C3orf20: variants seen among roughly 807,000 people sequenced by gnomAD.
C3orf20 encodes uncharacterized protein C3orf20.
Under a neutral mutation model 88.3 loss-of-function variants are expected in C3orf20, and 76 were observed. The observed-to-expected ratio is 0.86, with a 90% CI of 0.72 to 1.04. The LOEUF is 1.04. Among genes scored for constraint, C3orf20 ranks in the 50% least tolerant of loss-of-function variants. The pLI is 0.00. For synonymous variants in C3orf20, 436 were observed against 437.4 expected, an observed-to-expected ratio of 1.00 and a Z score of 0.04; for missense variants, 1,056 against 1,123.3, an observed-to-expected ratio of 0.94 and a Z score of 0.86.
intron 7 of C3orf20, among the ~76,000 whole-genome samples, chr3:14,711,829 TTTTTCTATTTG>T (rs2033752397): frequency 6.6e-6 from 1 of 152,048 alleles, no homozygotes; most frequent in Non-Finnish European, 1.5e-5. Context: ...AATTCTTTAG[TTTTTCTATTTG>T]TTTTCTATAT....
At chr3:14,747,264 T>C (rs7640633) in intron 12 of C3orf20, among the ~76,000 whole-genome samples, 2,980 of 152,304 alleles carry the variant, frequency 0.02, 101 homozygotes, top group African/African-American at 0.067. Context: ...CATTATGATA[T>C]GAAATCTTGT....
intron 1 of C3orf20, 118 bp from the exon 2 acceptor site, chr3:14,682,052 T>A (rs925455390): frequency 6.6e-6 from 1 of 152,242 alleles, no homozygotes; most frequent in Non-Finnish European, 1.5e-5. Context: ...CATTTTTTTC[T>A]TATAAGATGG....
At chr3:14,722,021 C>T in intron 10 of C3orf20, 2 of 484,730 alleles carry the variant, frequency 4.1e-6, no homozygotes, top group Non-Finnish European at 7.3e-6. Flanking sequence ...CTAGCTTAAG[C>T]ATGAAAAAAG....
intron 12 of C3orf20, among the ~76,000 whole-genome samples, chr3:14,737,239 TC>T (rs766812121): frequency 3.9e-5 from 6 of 152,246 alleles, no homozygotes; most frequent in Admixed American, 2.0e-4. Flanking sequence ...TTTCTCTTTT[TC>T]CCCCTCCCTT....
intron 12 of C3orf20, among the ~76,000 whole-genome samples, chr3:14,755,284 G>T (rs2568851): frequency 0.68 from 103,536 of 151,846 alleles, 35,750 homozygotes; most frequent in African/African-American, 0.81. Flanking sequence ...TTTGGAGGCT[G>T]TTTTCTTTCA....
chr3:14,726,417 A>G (rs935957791), intron 10 of C3orf20, among the ~76,000 whole-genome samples: 1 of 152,208 alleles, frequency 6.6e-6, no homozygotes, highest in Non-Finnish European at 1.5e-5. Context: ...CGCAGCATCC[A>G]CTGCAGAGGG....
At chr3:14,748,028 G>T (rs182450718) in intron 12 of C3orf20, among the ~76,000 whole-genome samples, 1 of 152,028 alleles carries the variant, frequency 6.6e-6, no homozygotes, top group Admixed American at 6.5e-5. Context: ...CTGTTTTTAG[G>T]TGAGTTTGAG....
chr3:14,703,187 C>T lies in C3orf20; in HGVS notation c.803C>T (p.Thr268Ile). 1 of 1,614,194 alleles carries T rather than the reference C, an allele frequency of 6.2e-7. No individual in the cohort carries two copies. The highest frequency in any genetic ancestry group is 8.5e-7 in the Non-Finnish European group (1 of 1,180,038). The change falls in exon 6 of 17, where the codon ACC becomes ATC. Residue 268 changes from threonine to isoleucine, a missense_variant. Physicochemically the swap from Thr to Ile is moderately conservative, Grantham distance 89. Transcript: ENST00000253697. ...CCGCCCCTGCATCGAGGAGTGGGAA[C>T]CCCTGCCAACAGCCTGGAGTTCAGC... Reference protein sequence around the residue: ...SMPPLHRGVGTPANSLEFSDP... With the variant: ...SMPPLHRGVGIPANSLEFSDP...
At position 14,773,004 on chromosome 3, in the gene C3orf20, C is replaced by T; in HGVS notation, c.*129C>T. On this transcript the variant is annotated 3_prime_UTR_variant, in exon 17 of 17. Coordinates refer to ENST00000253697, the MANE Select transcript of C3orf20 (RefSeq NM_032137.5). ...CTTCTATAATAAACCAGCGGGCCTC[C>T]AGCATTGGGGTGAGGCTCTGGGGAA... 2.8e-6 allele frequency: 2 copies of T among 706,130 alleles called. No individual in the cohort carries two copies. Among genetic ancestry groups the T allele is most frequent in the Non-Finnish European group, 5.0e-6 (2 of 397,016 alleles). The allele number at this position is 706,130 out of a possible 1,614,324, so 43.7% of individuals were successfully genotyped here. A position where few individuals can be genotyped will look rare whatever the true frequency, so the allele number is the denominator to read the frequency against.
rs2124930723 is a variant in C3orf20, at chr3:14,701,522, A to G, written c.746-1608A>G. On this transcript the variant is annotated intron_variant, in intron 5 of 16. Transcript: ENST00000253697. This position sits in a 1 kb window ranked among gnomAD's most constrained non-coding sequence, Gnocchi z 4.6. Reference sequence around the variant, plus strand: ...CGACTCCACATGACCACATCCTCATACCACCTGACACCTATCATGGAGGAC... The same window carrying G: ...CGACTCCACATGACCACATCCTCATGCCACCTGACACCTATCATGGAGGAC... Among the ~76,000 whole-genome samples, 1 of 152,228 alleles carries G rather than the reference A, an allele frequency of 6.6e-6. No homozygotes were observed. Among genetic ancestry groups the G allele is most frequent in the South Asian group, 2.1e-4 (1 of 4,820 alleles).
intron 9 of C3orf20, among the ~76,000 whole-genome samples, chr3:14,718,291 A>G (rs1398588862): frequency 6.6e-6 from 1 of 151,660 alleles, no homozygotes; most frequent in Non-Finnish European, 1.5e-5. Context: ...CTTCAAGTTC[A>G]GTGACTTTAT....
At chr3:14,767,741 G>A (rs2035754273) in intron 15 of C3orf20, among the ~76,000 whole-genome samples, 1 of 152,262 alleles carries the variant, frequency 6.6e-6, no homozygotes. Context: ...GGCTTTGGAA[G>A]CAGCAATGTG....
At chr3:14,756,299 C>T (rs921106225) in intron 12 of C3orf20, among the ~76,000 whole-genome samples, 1 of 151,688 alleles carries the variant, frequency 6.6e-6, no homozygotes, top group African/African-American at 2.4e-5. Context: ...CACAACAACC[C>T]GGTACAGTGT....
intron 5 of C3orf20, among the ~76,000 whole-genome samples, chr3:14,694,055 T>G (rs2032858263): frequency 6.6e-6 from 1 of 152,232 alleles, no homozygotes; most frequent in Non-Finnish European, 1.5e-5. Context: ...TTGGTCATGA[T>G]GAATGATCTT....
At chr3:14,734,454 C>T (rs1380837374) in intron 12 of C3orf20, among the ~76,000 whole-genome samples, 2 of 151,980 alleles carry the variant, frequency 1.3e-5, no homozygotes, top group African/African-American at 4.8e-5. Context: ...TTTCTTGTCC[C>T]GTTGGATATT....
intron 7 of C3orf20, 104 bp downstream of exon 7, chr3:14,704,722 G>A: frequency 7.2e-7 from 1 of 1,398,018 alleles, no homozygotes. Context: ...TTAGTTATCA[G>A]AGAAGCCTGG....
chr3:14,772,489 C>G lies in C3orf20; in HGVS notation c.2630+288C>G, dbSNP rs991678370. Among the ~76,000 whole-genome samples, 141 of 152,324 alleles carry G rather than the reference C, an allele frequency of 9.3e-4. No homozygotes were observed. The highest frequency in any genetic ancestry group is 2.2e-4 in the Non-Finnish European group (15 of 68,032). ...AAGGGTGGAGACTGCCCCGCTGTCTCCTTGCAAGAAACTTGCTGCACCTGT... is the reference window on the plus strand; with the variant it reads ...AAGGGTGGAGACTGCCCCGCTGTCTGCTTGCAAGAAACTTGCTGCACCTGT... On this transcript the variant is annotated intron_variant, in intron 16 of 16. Transcript: ENST00000253697. This position sits in a 1 kb window ranked among gnomAD's most constrained non-coding sequence, Gnocchi z 4.2.
intron 9 of C3orf20, among the ~76,000 whole-genome samples, chr3:14,719,245 C>T (rs974473769): frequency 6.6e-6 from 1 of 151,724 alleles, no homozygotes; most frequent in African/African-American, 2.4e-5. Context: ...AAGCTGAGGG[C>T]TGAAATGCTC....
At chr3:14,686,193 C>CATGTGTGTGTGTGTGT (rs149515659) in intron 4 of C3orf20, among the ~76,000 whole-genome samples, 2 of 149,486 alleles carry the variant, frequency 1.3e-5, no homozygotes, top group Non-Finnish European at 3.0e-5. Flanking sequence ...GAATCATATT[C>CATGTGTGTGTGTGTGT]GTGTGTGTGT....
Sources: allele counts gnomAD v4.1 joint callset (sites outside exome capture counted in the v4.1 genomes callset), GRCh38; gene constraint gnomAD v4.1.1; non-coding constraint Gnocchi (gnomAD v3.1); transcripts MANE v1.5; gene names NCBI Gene and HGNC (gene_info 2026-07-23, HGNC 2026-07-21).